TNIK: variants seen among roughly 807,000 people sequenced by gnomAD.
TNIK encodes the protein TRAF2 and NCK interacting kinase.
TNIK carries 49 observed loss-of-function variants against 191.3 expected under a neutral mutation model. The ratio of observed to expected loss-of-function variants is 0.26; its 90% CI spans 0.20 to 0.32. TNIK has a LOEUF of 0.32. TNIK is among the 10% of genes least tolerant of loss of function. The pLI, the probability that TNIK is intolerant of heterozygous loss-of-function variation, is 1.00. For synonymous variants in TNIK, 594 were observed against 600.9 expected (o/e 0.99, Z 0.17); for missense variants, 1,155 against 1,702.3 (o/e 0.68, Z 5.66).
intron 1 of TNIK, among the ~76,000 whole-genome samples, chr3:171,388,163 T>C (rs924606634): frequency 1.3e-5 from 2 of 152,248 alleles, no homozygotes; most frequent in Non-Finnish European, 2.9e-5. Flanking sequence ...AAGACTGGCC[T>C]GGGCCAGAGC....
chr3:171,157,389 C>T (rs1331957053), intron 12 of TNIK, 71 bp downstream of exon 12: 2 of 1,518,118 alleles, frequency 1.3e-6, no homozygotes, highest in Non-Finnish European at 1.8e-6. Context: ...GATGTGGGCC[C>T]CCAGGGAATG....
Position 171,167,383 on chromosome 3 carries a change from A to G in TNIK, c.774-113T>C, listed in dbSNP as rs369714967. On this transcript the variant is annotated intron_variant, in intron 9 of 32. Transcript: ENST00000436636. ...TTTTTTTAAGGTCCAATTGGCTGGC[A>G]TAGGGATCATCCACTAATCAGAAAA... The G allele has an allele frequency of 2.4e-5, 31 of 1,295,214 alleles. No individual in the cohort carries two copies. In the African/African-American group the frequency reaches 3.0e-4, roughly 12 times the overall value. 80.2% of individuals were successfully genotyped at this position (1,295,214 alleles called of 1,614,324 possible).
At chr3:171,082,444 T>C in intron 26 of TNIK, 50 bp from the exon 27 acceptor site, 1 of 1,583,646 alleles carries the variant, frequency 6.3e-7, no homozygotes, top group Non-Finnish European at 8.6e-7. Context: ...AACTTTAATC[T>C]TCTGCATCGA....
chr3:171,321,979 C>T (rs1282956431), intron 2 of TNIK, among the ~76,000 whole-genome samples: 3 of 152,110 alleles, frequency 2.0e-5, no homozygotes, highest in Non-Finnish European at 4.4e-5. Flanking sequence ...CTTTCAAGGT[C>T]TTTTGTGTTT....
intron 28 of TNIK, among the ~76,000 whole-genome samples, chr3:171,071,934 A>G (rs1719237317): frequency 6.6e-6 from 1 of 152,184 alleles, no homozygotes; most frequent in Non-Finnish European, 1.5e-5. Flanking sequence ...AATTCTATGG[A>G]CAGAAGCTTA....
At chr3:171,370,479 C>A (rs1235308485) in intron 1 of TNIK, among the ~76,000 whole-genome samples, 1 of 152,132 alleles carries the variant, frequency 6.6e-6, no homozygotes, top group African/African-American at 2.4e-5. Flanking sequence ...AAAATCAAAG[C>A]CAATAAAATT....
chr3:171,280,860 T>A (rs576771048), intron 2 of TNIK, among the ~76,000 whole-genome samples: 13 of 152,198 alleles, frequency 8.5e-5, no homozygotes, highest in Admixed American at 6.5e-4. Context: ...TAGATATTTC[T>A]CTATTACTAT....
intron 2 of TNIK, among the ~76,000 whole-genome samples, chr3:171,252,087 T>C (rs1224210859): frequency 2.6e-5 from 4 of 152,130 alleles, no homozygotes; most frequent in African/African-American, 9.7e-5. Context: ...TGTGCGTGTG[T>C]GTGTGTCATA....
intron 3 of TNIK, among the ~76,000 whole-genome samples, chr3:171,226,561 G>C (rs1742988640): frequency 6.6e-6 from 1 of 152,084 alleles, no homozygotes; most frequent in Admixed American, 6.6e-5. Context: ...TTCTTAAACT[G>C]AATTAATATA....
intron 1 of TNIK, among the ~76,000 whole-genome samples, chr3:171,393,053 T>C (rs1159548314): frequency 6.6e-6 from 1 of 152,208 alleles, no homozygotes; most frequent in Non-Finnish European, 1.5e-5. Context: ...TTTTTCAGTA[T>C]GTCTAAGAGC....
rs760768604 is a variant in TNIK at position 171,063,067 on chromosome 3, T to C, written c.*814A>G. On this transcript the variant is annotated 3_prime_UTR_variant, in exon 33 of 33. Coordinates refer to ENST00000436636, the MANE Select transcript of TNIK (RefSeq NM_015028.4). ...GCTGAGGGAAAGTTGTGTTAGAGTG[T>C]CCCTCCATCGCTAGGCCAGCTCAAC... 7 of 152,150 alleles carry C rather than the reference T, an allele frequency of 4.6e-5. No individual in the cohort carries two copies. The highest frequency in any genetic ancestry group is 8.8e-5 in the Non-Finnish European group (6 of 68,038). 9.4% of individuals were successfully genotyped at this position (152,150 alleles called of 1,614,324 possible).
chr3:171,272,425 G>A lies in TNIK; in HGVS notation c.124-44204C>T, dbSNP rs191775309. 5.9e-5 allele frequency among the ~76,000 whole-genome samples: 9 copies of A among 152,336 alleles called. No homozygotes were observed. In the East Asian group the frequency reaches 1.7e-3, roughly 29 times the overall value. On this transcript the variant is annotated intron_variant, in intron 2 of 32. Transcript: ENST00000436636. ...TGAATTGCTAAGGGGTCTTTCCTAA[G>A]ATGGCACCGTACACATCGAGACAGT...
rs549990945 is a variant in TNIK at position 171,311,940 on chromosome 3, C to T, written c.123+57680G>A. ...CCAGCAGCAAACATACACGCAAGGT[C>T]AGGAAGTGCCAAAGCCACCAAGAGT... On this transcript the variant is annotated intron_variant, in intron 2 of 32. Transcript: ENST00000436636. Among the ~76,000 whole-genome samples, 442 of 151,850 alleles carry T rather than the reference C, an allele frequency of 2.9e-3. 2 individuals are homozygous for T. Among genetic ancestry groups the T allele is most frequent in the Admixed American group, 4.7e-3 (72 of 15,240 alleles).
chr3:171,146,003 A>C (rs200917170), intron 12 of TNIK, among the ~76,000 whole-genome samples: 2 of 152,210 alleles, frequency 1.3e-5, no homozygotes, highest in East Asian at 3.8e-4. Context: ...ACTACTTACT[A>C]GGCAAGTGTA....
intron 2 of TNIK, among the ~76,000 whole-genome samples, chr3:171,281,756 G>C (rs561327249): frequency 1.1e-4 from 16 of 152,314 alleles, no homozygotes; most frequent in Non-Finnish European, 1.9e-4. Flanking sequence ...CGAGGATAGT[G>C]TTTGCTACCC....
intron 18 of TNIK, among the ~76,000 whole-genome samples, chr3:171,113,240 ATCT>A (rs1726130750): frequency 6.6e-6 from 1 of 152,028 alleles, no homozygotes; most frequent in African/African-American, 2.4e-5. Flanking sequence ...TTTTTTTATT[ATCT>A]TCTTGCAGGA....
intron 2 of TNIK, among the ~76,000 whole-genome samples, chr3:171,301,942 A>G (rs1752928601): frequency 6.6e-6 from 1 of 152,194 alleles, no homozygotes; most frequent in Non-Finnish European, 1.5e-5. Context: ...TTCAGGGGAA[A>G]AAATTTGTGT....
chr3:171,133,385 CAA>C (rs758725727), intron 15 of TNIK, among the ~76,000 whole-genome samples: 25 of 152,182 alleles, frequency 1.6e-4, no homozygotes, highest in Non-Finnish European at 2.8e-4. Flanking sequence ...CAGACCAAAA[CAA>C]GAGACAGAAC....
chr3:171,276,093 C>A (rs1285782251), intron 2 of TNIK, among the ~76,000 whole-genome samples: 1 of 152,030 alleles, frequency 6.6e-6, no homozygotes, highest in Non-Finnish European at 1.5e-5. Flanking sequence ...TCCACAAATG[C>A]TGAAGAAAGG....
Sources: allele counts gnomAD v4.1 joint callset (sites outside exome capture counted in the v4.1 genomes callset), GRCh38; gene constraint gnomAD v4.1.1; transcripts MANE v1.5; gene names NCBI Gene and HGNC (gene_info 2026-07-23, HGNC 2026-07-21).